Variants in ITSN2 observed in about 807,000 individuals in gnomAD.
ITSN2 encodes intersectin 2, also known as intersectin-2.
A neutral mutation model predicts 243.7 loss-of-function variants in ITSN2; 156 were observed. The observed-to-expected ratio is 0.64, with a 90% CI of 0.56 to 0.73. ITSN2 has a LOEUF of 0.73. Among genes scored for constraint, ITSN2 ranks in the 30% least tolerant of loss-of-function variants. The pLI, the probability that ITSN2 is intolerant of heterozygous loss-of-function variation, is 0.00. For missense variants in ITSN2, 1,801 were observed against 1,996.1 expected, an observed-to-expected ratio of 0.90 and a Z score of 1.86; for synonymous variants, 703 against 699.9, an observed-to-expected ratio of 1.00 and a Z score of -0.07.
At chr2:24,298,627 C>A (rs755611210) in intron 13 of ITSN2, 38 bp downstream of exon 13, 3 of 1,576,966 alleles carry the variant, frequency 1.9e-6, no homozygotes, top group Non-Finnish European at 1.7e-6. Context: ...GTAGCTCCAT[C>A]ATCATTCAGA....
chr2:24,313,357 T>C, intron 4 of ITSN2, 103 bp downstream of exon 4: 1 of 887,338 alleles, frequency 1.1e-6, no homozygotes, highest in Non-Finnish European at 1.7e-6. Context: ...GAAATATTCT[T>C]AATAACCAAT....
chr2:24,203,922 G>A (rs1023965721), intron 39 of ITSN2, 139 bp from the exon 40 acceptor site: 74 of 825,718 alleles, frequency 9.0e-5, no homozygotes, highest in South Asian at 7.1e-5. Context: ...GTTGAATGTC[G>A]TGAGTGGGTG....
intron 1 of ITSN2, among the ~76,000 whole-genome samples, chr2:24,356,835 G>A (rs140284176): frequency 0.023 from 3,533 of 151,922 alleles, 63 homozygotes; most frequent in Non-Finnish European, 0.037. Context: ...CCCAGGAGGC[G>A]GAGGTTGCAG....
intron 15 of ITSN2, 127 bp from the exon 16 acceptor site, chr2:24,286,478 C>T (rs1293099726): frequency 4.2e-6 from 3 of 706,652 alleles, no homozygotes; most frequent in Non-Finnish European, 7.3e-6. Flanking sequence ...CAATGCAGAC[C>T]AGTACAAGAG....
intron 1 of ITSN2, among the ~76,000 whole-genome samples, chr2:24,350,242 T>C (rs1222937976): frequency 6.6e-6 from 1 of 152,176 alleles, no homozygotes; most frequent in East Asian, 1.9e-4. Context: ...CTAGTGAGTG[T>C]CTTGGACCAT....
At chr2:24,203,965 A>C (rs939426778) in intron 39 of ITSN2, 182 bp from the exon 40 acceptor site, 5 of 658,384 alleles carry the variant, frequency 7.6e-6, no homozygotes, top group African/African-American at 1.8e-5. Flanking sequence ...GTGTGTGAGA[A>C]GCTGCCACAT....
At chr2:24,328,177 C>T (rs1685364058) in intron 1 of ITSN2, 62 bp from the exon 2 acceptor site, 1 of 1,180,130 alleles carries the variant, frequency 8.5e-7, no homozygotes, top group East Asian at 2.4e-5. Context: ...GTTTAGTGCA[C>T]CCGCTAAGCA....
intron 22 of ITSN2, among the ~76,000 whole-genome samples, 158 bp downstream of exon 22, chr2:24,260,948 T>C (rs1042628497): frequency 2.7e-5 from 4 of 150,176 alleles, no homozygotes; most frequent in Non-Finnish European, 5.9e-5. Context: ...TAAGTAATAG[T>C]CATTTCTTCA....
rs1676440446 is a variant in ITSN2, at chr2:24,264,750, C to T, written c.2356-3008G>A. Among the ~76,000 whole-genome samples, 3 of 152,206 alleles carry T rather than the reference C, an allele frequency of 2.0e-5. No homozygotes were observed. The South Asian group carries it at 6.2e-4, about 32-fold the overall frequency. ...AACACACGTAGCATGAATCTATTTA[C>T]CTACTCTGTTCCATTGATCTATTTT... On this transcript the variant is annotated intron_variant, in intron 20 of 39. Transcript: ENST00000355123.
In ITSN2 at chr2:24,225,702, A is replaced by C. The variant is rs1217866939; in HGVS notation, c.3578-4636T>G. Among the ~76,000 whole-genome samples, 1 of 152,150 alleles carries C rather than the reference A, an allele frequency of 6.6e-6. No individual in the cohort carries two copies. Among genetic ancestry groups the C allele is most frequent in the Non-Finnish European group, 1.5e-5 (1 of 68,024 alleles). On this transcript the variant is annotated intron_variant, in intron 29 of 39. Transcript: ENST00000355123. This position sits in a 1 kb window ranked among gnomAD's most constrained non-coding sequence, Gnocchi z 4.2. ...GTCAGATGAATCCAGACAATGCTGC[A>C]GGCTGTATATCTCACTCGCAGGGCC... is the stretch of plus-strand genomic sequence containing the variant.
intron 1 of ITSN2, among the ~76,000 whole-genome samples, chr2:24,351,338 T>C (rs1297932766): frequency 1.3e-5 from 2 of 152,224 alleles, no homozygotes; most frequent in Admixed American, 6.5e-5. Context: ...ATATACCTAG[T>C]GCCCAGCAGT....
chr2:24,203,951 GT>G lies in ITSN2; in HGVS notation c.4937-169del, dbSNP rs906563547. 3 of 690,184 alleles carry G rather than the reference GT, an allele frequency of 4.3e-6. No homozygotes were observed. The African/African-American group carries it at 5.4e-5, about 12-fold the overall frequency. The allele number at this position is 690,184 out of a possible 1,614,324, so 42.8% of individuals were successfully genotyped here. A position where few individuals can be genotyped will look rare whatever the true frequency, so the allele number is the denominator to read the frequency against. On this transcript the variant is annotated intron_variant, in intron 39 of 39. Coordinates refer to ENST00000355123, the MANE Select transcript of ITSN2 (RefSeq NM_006277.3). ...GTGGGTGTGTGGGGAATGATGGCAG[GT>G]TTGTGTGTGAGAAGCTGCCACATGG...
At chr2:24,243,025 AATG>A (rs1672916583) in intron 29 of ITSN2, among the ~76,000 whole-genome samples, 1 of 152,184 alleles carries the variant, frequency 6.6e-6, no homozygotes, top group Non-Finnish European at 1.5e-5. Context: ...TGACCAAGAA[AATG>A]ATGAGTTCCT....
chr2:24,317,120 C>G (rs1684025937), intron 2 of ITSN2, among the ~76,000 whole-genome samples: 1 of 152,220 alleles, frequency 6.6e-6, no homozygotes, highest in Non-Finnish European at 1.5e-5. Context: ...GTGGCTCACG[C>G]CTGTAATCCC....
intron 16 of ITSN2, 149 bp from the exon 17 acceptor site, chr2:24,284,992 G>A: frequency 4.0e-6 from 2 of 494,040 alleles, no homozygotes; most frequent in Admixed American, 3.4e-5. Flanking sequence ...CACCTCCCGG[G>A]TTCAAGCGAT....
intron 17 of ITSN2, among the ~76,000 whole-genome samples, chr2:24,278,869 C>G (rs191756418): frequency 1.3e-4 from 20 of 152,014 alleles, no homozygotes; most frequent in Non-Finnish European, 2.6e-4. Context: ...CCAGGCTGGT[C>G]GTGAATTGTT....
chr2:24,220,775 A>T, intron 30 of ITSN2, 170 bp downstream of exon 30: 1 of 1,416,856 alleles, frequency 7.1e-7, no homozygotes, highest in Non-Finnish European at 9.2e-7. Flanking sequence ...TCCGGCAGGC[A>T]GAGACAGCAT....
At chr2:24,234,244 C>T (rs916193868) in intron 29 of ITSN2, among the ~76,000 whole-genome samples, 4 of 144,556 alleles carry the variant, frequency 2.8e-5, no homozygotes, top group African/African-American at 1.0e-4. Context: ...CTCTTTTCAA[C>T]AAATGATGCT....
intron 4 of ITSN2, 44 bp from the exon 5 acceptor site, chr2:24,312,419 G>A: frequency 7.1e-7 from 1 of 1,415,398 alleles, no homozygotes; most frequent in African/African-American, 1.4e-5. Flanking sequence ...TGGTGTGGTG[G>A]TGGGAAAACT....
Sources: gnomAD v4.1 joint callset for allele counts (sites outside exome capture counted in the v4.1 genomes callset) on GRCh38, gnomAD v4.1.1 for gene constraint, Gnocchi (gnomAD v3.1) non-coding constraint, MANE v1.5 for transcripts, NCBI Gene and HGNC (gene_info 2026-07-23, HGNC 2026-07-21) for gene names.